KIDINS220: variants seen among roughly 807,000 people sequenced by gnomAD.
KIDINS220 encodes kinase D interacting substrate 220.
A neutral mutation model predicts 157.6 loss-of-function variants in KIDINS220; 63 were observed. The ratio of observed to expected loss-of-function variants is 0.40; its 90% CI spans 0.33 to 0.49. The LOEUF (loss-of-function observed/expected upper bound fraction) is 0.49, where lower values mean the gene tolerates loss of function less well. KIDINS220 is among the 20% of genes least tolerant of loss of function. KIDINS220 has a pLI of 0.66. For synonymous variants in KIDINS220, 732 were observed against 783.6 expected (o/e 0.93, Z 1.10); for missense variants, 1,772 against 2,171.2 (o/e 0.82, Z 3.65).
In KIDINS220 at chr2:8,747,107, A is replaced by G. The variant is rs747097751; in HGVS notation, c.3585+38T>C. ...AGTCATTACTGAGGCAGAAGCAATGAGATGCCAGCGATCCACACCACAGGA... is the reference window on the plus strand; with the variant it reads ...AGTCATTACTGAGGCAGAAGCAATGGGATGCCAGCGATCCACACCACAGGA... On this transcript the variant is annotated intron_variant, in intron 26 of 29. Coordinates refer to ENST00000256707, the MANE Select transcript of KIDINS220 (RefSeq NM_020738.4). The G allele has an allele frequency of 7.6e-6, 12 of 1,585,132 alleles. No individual in the cohort carries two copies. The South Asian group carries it at 1.2e-4, about 16-fold the overall frequency.
chr2:8,757,782 C>T (rs1219576154), intron 22 of KIDINS220: 5 of 1,609,632 alleles, frequency 3.1e-6, no homozygotes, highest in East Asian at 2.2e-5. Context: ...GTCTGCTCCA[C>T]AGCATCTGTG....
chr2:8,738,481 A>AG (rs1395396281), intron 26 of KIDINS220, among the ~76,000 whole-genome samples: 1 of 152,252 alleles, frequency 6.6e-6, no homozygotes, highest in African/African-American at 2.4e-5. Flanking sequence ...GACCAAGGTT[A>AG]GCATTAGTGG....
Position 8,811,940 on chromosome 2 carries a change from G to A in KIDINS220, c.504+455C>T, listed in dbSNP as rs373262027. 4.6e-5 allele frequency among the ~76,000 whole-genome samples: 7 copies of A among 152,242 alleles called. 1 individual carries two copies. The highest frequency in any genetic ancestry group is 1.7e-4 in the African/African-American group (7 of 41,532). On this transcript the variant is annotated intron_variant, in intron 6 of 29. Coordinates refer to ENST00000256707, the MANE Select transcript of KIDINS220 (RefSeq NM_020738.4). ...GGCTGGCATGCAAGGAACCATGGCG[G>A]ACAAGCAGTAAGAGAAGGGGAAAAA...
chr2:8,810,781 G>C (rs1676183765), intron 6 of KIDINS220, among the ~76,000 whole-genome samples: 1 of 149,976 alleles, frequency 6.7e-6, no homozygotes, highest in Non-Finnish European at 1.5e-5. Context: ...GCGAGACTCT[G>C]TCAAAAAAAA....
At chr2:8,786,862 G>A (rs201505296) in intron 15 of KIDINS220, among the ~76,000 whole-genome samples, 2 of 152,122 alleles carry the variant, frequency 1.3e-5, no homozygotes, top group East Asian at 3.8e-4. Context: ...TTTATTTATA[G>A]CTTCCACGTC....
chr2:8,744,395 A>ATCTATCTATC (rs1666223138), intron 26 of KIDINS220, among the ~76,000 whole-genome samples: 2 of 26,420 alleles, frequency 7.6e-5, no homozygotes, highest in Non-Finnish European at 1.2e-4. Context: ...AAAAATATAT[A>ATCTATCTATC]TATATAATAT....
rs756797913 is a variant in KIDINS220 at position 8,750,190 on chromosome 2, T to C, written c.3336A>G (p.Ala1112=). The C allele has an allele frequency of 1.2e-6, 2 of 1,614,192 alleles. No individual in the cohort carries two copies. The highest frequency in any genetic ancestry group is 1.7e-6 in the Non-Finnish European group (2 of 1,180,028). ...CSSTSFNGPF[A]GGVVSPQPHS... ...GAGGCTGTGGTGACACCACTCCACC[T>C]GCGAAGGGCCCATTGAAGGACGTGG... The change falls in exon 24 of 30, where the codon GCA becomes GCG. Residue 1112 remains alanine, a synonymous_variant. Transcript: ENST00000256707.
chr2:8,827,837 T>A (rs1679040428), intron 1 of KIDINS220, among the ~76,000 whole-genome samples: 1 of 152,202 alleles, frequency 6.6e-6, no homozygotes, highest in South Asian at 2.1e-4. Context: ...TTACTTTTTT[T>A]AAAACTTTAA....
rs537785527 is a variant in KIDINS220 at position 8,800,137 on chromosome 2, G to C, written c.900+263C>G. The C allele has an allele frequency of 1.6e-4, 55 of 335,906 alleles. No homozygotes were observed. In the South Asian group the frequency reaches 7.6e-3, roughly 46 times the overall value. 20.8% of individuals were successfully genotyped at this position (335,906 alleles called of 1,614,324 possible). A position where few individuals can be genotyped will look rare whatever the true frequency, so the allele number is the denominator to read the frequency against. On this transcript the variant is annotated intron_variant, in intron 9 of 29. Coordinates refer to ENST00000256707, the MANE Select transcript of KIDINS220 (RefSeq NM_020738.4). ...ACTACTCATTATAGTTCTGAGGATT[G>C]AATCTATATATACCCATTAGTAAGG...
intron 12 of KIDINS220, among the ~76,000 whole-genome samples, chr2:8,791,499 T>G (rs1673183809): frequency 6.6e-6 from 1 of 152,206 alleles, no homozygotes; most frequent in Non-Finnish European, 1.5e-5. Flanking sequence ...ACTTATTAAT[T>G]ATATGATACA....
At chr2:8,737,028 T>C (rs987291053) in intron 26 of KIDINS220, 29 bp from the exon 27 acceptor site, 14 of 1,611,046 alleles carry the variant, frequency 8.7e-6, no homozygotes, top group Non-Finnish European at 1.2e-5. Context: ...AATACAGGTA[T>C]GAATAAGCAT....
At chr2:8,781,229 C>A (rs1310832481) in intron 17 of KIDINS220, among the ~76,000 whole-genome samples, 1 of 148,574 alleles carries the variant, frequency 6.7e-6, no homozygotes, top group East Asian at 2.0e-4. Context: ...TAATCCTAAA[C>A]ATTTATATAT....
At chr2:8,746,057 C>T (rs1432679737) in intron 26 of KIDINS220, among the ~76,000 whole-genome samples, 2 of 150,158 alleles carry the variant, frequency 1.3e-5, no homozygotes, top group African/African-American at 4.9e-5. Context: ...GATTTTAAAG[C>T]TCCTCACAAA....
chr2:8,754,908 T>C (rs1572513000), intron 22 of KIDINS220, among the ~76,000 whole-genome samples: 1 of 152,198 alleles, frequency 6.6e-6, no homozygotes, highest in Non-Finnish European at 1.5e-5. Flanking sequence ...TGTTTAAAAA[T>C]TTAAACAGAG....
intron 2 of KIDINS220, among the ~76,000 whole-genome samples, chr2:8,823,701 T>TAG (rs1461024296): frequency 6.6e-6 from 1 of 152,202 alleles, no homozygotes; most frequent in African/African-American, 2.4e-5. Context: ...TAGCATTCCC[T>TAG]AGACAAGTGT....
intron 22 of KIDINS220, among the ~76,000 whole-genome samples, chr2:8,762,581 C>CA (rs1160671566): frequency 1.3e-5 from 2 of 151,366 alleles, no homozygotes; most frequent in South Asian, 2.1e-4. Flanking sequence ...ATTAAAAATA[C>CA]AAAAAAAATT....
At chr2:8,797,355 C>T (rs1045629359) in intron 10 of KIDINS220, among the ~76,000 whole-genome samples, 37 of 152,164 alleles carry the variant, frequency 2.4e-4, no homozygotes, top group African/African-American at 8.4e-4. Context: ...TGATTGCTTT[C>T]AAAACCAAAG....
chr2:8,778,015 C>T (rs1283865167), intron 20 of KIDINS220, among the ~76,000 whole-genome samples: 8 of 152,152 alleles, frequency 5.3e-5, no homozygotes, highest in Non-Finnish European at 1.2e-4. Context: ...CCAATACTAG[C>T]CCAACTTCAC....
chr2:8,754,816 GTAT>G (rs1194519219), intron 22 of KIDINS220, among the ~76,000 whole-genome samples: 1 of 152,082 alleles, frequency 6.6e-6, no homozygotes, highest in Non-Finnish European at 1.5e-5. Context: ...TATGAAGAAA[GTAT>G]TATTTATCAC....
Sources: gnomAD v4.1 joint callset for allele counts (sites outside exome capture counted in the v4.1 genomes callset) on GRCh38, gnomAD v4.1.1 for gene constraint, MANE v1.5 for transcripts, NCBI Gene and HGNC (gene_info 2026-07-23, HGNC 2026-07-21) for gene names.